ANKRD54: variants seen among roughly 807,000 people sequenced by gnomAD.
The protein encoded by ANKRD54 is ankyrin repeat domain 54.
Under a neutral mutation model 36.2 loss-of-function variants are expected in ANKRD54, and 26 were observed. The observed-to-expected ratio is 0.72, with a 90% CI of 0.53 to 1.00. ANKRD54 has a LOEUF of 1.00. Among genes scored for constraint, ANKRD54 ranks in the 50% least tolerant of loss-of-function variants. The pLI, the probability that ANKRD54 is intolerant of heterozygous loss-of-function variation, is 0.00. For synonymous variants in ANKRD54, 209 were observed against 188.4 expected (o/e 1.11, Z -0.89); for missense variants, 384 against 424.3 (o/e 0.91, Z 0.83).
At chr22:37,845,494 C>G (rs994185632), upstream of ANKRD54, among the ~76,000 whole-genome samples, 7 of 152,198 alleles carry the variant, frequency 4.6e-5, no homozygotes, top group African/African-American at 1.4e-4. Flanking sequence ...GAGACTCATT[C>G]ACAGTTGCCC....
At chr22:37,832,929 C>G in intron 6 of ANKRD54, 29 bp downstream of exon 6, 2 of 1,611,500 alleles carry the variant, frequency 1.2e-6, no homozygotes, top group Non-Finnish European at 1.7e-6. Flanking sequence ...GCCTTGGTGC[C>G]GTGGTCTCCA....
In ANKRD54 at chr22:37,831,963, G is replaced by C; in HGVS notation, c.883C>G (p.Gln295Glu). 1.2e-6 allele frequency: 2 copies of C among 1,613,720 alleles called. No homozygotes were observed. The highest frequency in any genetic ancestry group is 1.1e-5 in the South Asian group (1 of 90,930). ...ASFTSLSLQM[Q>E]SMEKR ...TCTTGCTACCTCTTCTCCATGCTCT[G>C]CATCTGCAGACTGAGGGAGGTGAAG... is the stretch of plus-strand genomic sequence containing the variant. The change falls in exon 8 of 8, where the codon CAG becomes GAG. Residue 295 changes from glutamine to glutamate, a missense_variant. Coordinates refer to ENST00000215941, the MANE Select transcript of ANKRD54 (RefSeq NM_138797.4).
rs910809018 is a variant in ANKRD54 at position 37,843,896 on chromosome 22, G to C, written c.328+15C>G. On this transcript the variant is annotated intron_variant, in intron 1 of 7. Transcript: ENST00000215941. ...CTGCCCCGCCCCGGGCCCCCGCGCC[G>C]CTCGCGCCGCTCACCGTGCACCTCC... 5 of 1,217,412 alleles carry C rather than the reference G, an allele frequency of 4.1e-6. No individual in the cohort carries two copies. The highest frequency in any genetic ancestry group is 3.2e-4 in the Middle Eastern group (1 of 3,102). The allele number at this position is 1,217,412 out of a possible 1,614,324, so 75.4% of individuals were successfully genotyped here. A position where few individuals can be genotyped will look rare whatever the true frequency, so the allele number is the denominator to read the frequency against.
rs771375448 is a variant in ANKRD54 at position 37,838,569 on chromosome 22, G to T, written c.406C>A (p.Pro136Thr). ...VQQLLEDGAD[P>T]CAADDKGRTA... ...CGGCCCTTGTCATCAGCTGCACAGG[G>T]ATCCGCGCCATCTTCCAGCAGCTGC... The change falls in exon 3 of 8, where the codon CCC becomes ACC. Residue 136 changes from proline (P) to threonine (T), a missense_variant. Around this residue, in one of 3 missense-constraint regions of ANKRD54, gnomAD observed 179 missense variants for 224.0 expected, o/e 0.80. Transcript: ENST00000215941. 5.6e-6 allele frequency: 9 copies of T among 1,611,602 alleles called. 1 individual carries two copies. In the South Asian group the frequency reaches 7.7e-5, roughly 14 times the overall value.
In ANKRD54 at chr22:37,832,855, A is replaced by C; in HGVS notation, c.720+103T>G. On this transcript the variant is annotated intron_variant, in intron 6 of 7. Coordinates refer to ENST00000215941, the MANE Select transcript of ANKRD54 (RefSeq NM_138797.4). The stretch of plus-strand genomic sequence containing the variant: ...GTGCCAACTGGGGTCAGTGTGAAAC[A>C]ACCCAGGAGCCCTGGGACCAGAGGC... 5 of 1,604,032 alleles carry C rather than the reference A, an allele frequency of 3.1e-6. No homozygotes were observed. The South Asian group carries it at 5.5e-5, about 18-fold the overall frequency.
chr22:37,841,424 G>A (rs1924224972), intron 1 of ANKRD54, among the ~76,000 whole-genome samples: 2 of 152,032 alleles, frequency 1.3e-5, no homozygotes, highest in Non-Finnish European at 2.9e-5. Context: ...TACTTGGGAG[G>A]CTCAGGCAGG....
At chr22:37,837,092 A>C (rs2145970327) in intron 3 of ANKRD54, among the ~76,000 whole-genome samples, 1 of 152,044 alleles carries the variant, frequency 6.6e-6, no homozygotes, top group East Asian at 1.9e-4. Context: ...CCATCAGAGA[A>C]ATGCAAATTA....
rs142208298 is a variant in ANKRD54, at chr22:37,838,590, G to A, written c.385C>T (p.Leu129=). The A allele has an allele frequency of 6.2e-7, 1 of 1,609,402 alleles. No homozygotes were observed. Among genetic ancestry groups the A allele is most frequent in the Non-Finnish European group, 8.5e-7 (1 of 1,178,742 alleles). ...CAGGGATCCGCGCCATCTTCCAGCA[G>A]CTGCTGCACTGACACCACCAAGACA... The part of the protein sequence containing the change: ...NANDVETVQQ[L]LEDGADPCAA... The change falls in exon 3 of 8, where the codon CTG becomes TTG. Residue 129 remains leucine, a synonymous_variant. Transcript: ENST00000215941.
intron 1 of ANKRD54, among the ~76,000 whole-genome samples, chr22:37,841,082 G>GAAAAAAAAA (rs59447633): frequency 1.6e-5 from 2 of 123,010 alleles, no homozygotes. Context: ...ACTGTCTCAG[G>GAAAAAAAAA]AAAAAAAAAA....
At chr22:37,846,326 G>C (rs1413826451), upstream of ANKRD54, among the ~76,000 whole-genome samples, 4 of 152,180 alleles carry the variant, frequency 2.6e-5, no homozygotes, top group East Asian at 5.8e-4. Context: ...CCCCATAATG[G>C]ATACAGTGCT....
chr22:37,845,457 A>G (rs1356376177), upstream of ANKRD54, among the ~76,000 whole-genome samples: 1 of 152,230 alleles, frequency 6.6e-6, no homozygotes, highest in Non-Finnish European at 1.5e-5. Flanking sequence ...CCTATTTTAT[A>G]GGTGAGGAGT....
intron 1 of ANKRD54, among the ~76,000 whole-genome samples, chr22:37,840,452 G>T (rs553145743): frequency 2.6e-5 from 4 of 152,022 alleles, no homozygotes; most frequent in Admixed American, 6.6e-5. Flanking sequence ...CCAGCTACTC[G>T]GGAGGCTGAG....
At position 37,843,947 on chromosome 22, in the gene ANKRD54, G is replaced by C; in HGVS notation, c.292C>G (p.His98Asp). 1 of 1,382,152 alleles carries C rather than the reference G, an allele frequency of 7.2e-7. No individual in the cohort carries two copies. Among genetic ancestry groups the C allele is most frequent in the Non-Finnish European group, 9.3e-7 (1 of 1,070,684 alleles). 85.6% of individuals were successfully genotyped at this position (1,382,152 alleles called of 1,614,324 possible). Residue 98 changes from histidine to aspartate, a missense_variant, in exon 1 of 8, where the codon CAC becomes GAC. By Grantham distance (81) the His-to-Asp change is moderately conservative. Around this residue, in one of 3 missense-constraint regions of ANKRD54, gnomAD observed 195 missense variants for 177.7 expected, o/e 1.10. Transcript: ENST00000215941. ...TTGCCCGTGGGCCCGAGCCGCCGGT[G>C]GGGCCTGGCAGCGCGCCTCAGCCGG... ...AGRLRRAARP[H>D]RRLGPTGKEV...
At chr22:37,845,240 G>A (rs911673965), upstream of ANKRD54, among the ~76,000 whole-genome samples, 5 of 152,100 alleles carry the variant, frequency 3.3e-5, no homozygotes, top group Admixed American at 6.6e-5. Context: ...AGTTTAGTTC[G>A]ACAGCCAGTC....
upstream of ANKRD54, chr22:37,844,341 C>G: frequency 7.4e-7 from 1 of 1,353,032 alleles, no homozygotes; most frequent in Admixed American, 2.7e-5. Context: ...AGCTGGCGGG[C>G]GGGCAGGGCC....
chr22:37,838,245 G>A (rs1923787426), intron 3 of ANKRD54, among the ~76,000 whole-genome samples: 1 of 152,184 alleles, frequency 6.6e-6, no homozygotes, highest in South Asian at 2.1e-4. Flanking sequence ...ACTCTCCAGT[G>A]GTCTCTTAGT....
intron 3 of ANKRD54, among the ~76,000 whole-genome samples, chr22:37,837,377 T>TA (rs1375202262): frequency 6.6e-6 from 1 of 152,184 alleles, no homozygotes; most frequent in Non-Finnish European, 1.5e-5. Flanking sequence ...ACTTCATTCA[T>TA]AAAGCTAAAA....
At chr22:37,840,476 G>A (rs866432185) in intron 1 of ANKRD54, among the ~76,000 whole-genome samples, 15 of 151,406 alleles carry the variant, frequency 9.9e-5, no homozygotes, top group Non-Finnish European at 2.2e-4. Context: ...GGTGAATGGC[G>A]TGAACCTGGG....
chr22:37,846,211 G>A (rs1473243612), upstream of ANKRD54, among the ~76,000 whole-genome samples: 1 of 152,076 alleles, frequency 6.6e-6, no homozygotes, highest in Non-Finnish European at 1.5e-5. Flanking sequence ...TCTTACAATT[G>A]GAAAAGCACT....
Sources: allele counts gnomAD v4.1 joint callset (sites outside exome capture counted in the v4.1 genomes callset), GRCh38; gene constraint gnomAD v4.1.1; regional missense constraint gnomAD v4.1.1; transcripts MANE v1.5; gene names NCBI Gene and HGNC (gene_info 2026-07-23, HGNC 2026-07-21).